Variants in PRELID2 observed in about 807,000 individuals in gnomAD.
PRELID2 encodes the protein PRELI domain-containing protein 2.
A neutral mutation model predicts 28.4 loss-of-function variants in PRELID2; 25 were observed. The ratio of observed to expected loss-of-function variants is 0.88; its 90% CI spans 0.64 to 1.23. PRELID2 has a LOEUF of 1.23. Ranked by LOEUF, PRELID2 falls within the 50% of genes most tolerant of loss-of-function variation. The pLI, the probability that PRELID2 is intolerant of heterozygous loss-of-function variation, is 0.00. For synonymous variants in PRELID2, 76 were observed against 71.6 expected, an observed-to-expected ratio of 1.06 and a Z score of -0.31; for missense variants, 201 against 214.4, an observed-to-expected ratio of 0.94 and a Z score of 0.39.
intron 1 of PRELID2, among the ~76,000 whole-genome samples, chr5:145,612,505 G>A (rs561257528): frequency 6.6e-6 from 1 of 152,162 alleles, no homozygotes; most frequent in Admixed American, 6.5e-5. Flanking sequence ...GGTGGTGTTT[G>A]GTTACATGAG....
the PRELID2 span, among the ~76,000 whole-genome samples, chr5:145,237,439 T>G: frequency 2.2e-3 from 341 of 152,220 alleles, 1 homozygote; most frequent in African/African-American, 8.0e-3. Flanking sequence ...TATGATTTTT[T>G]TAATGGTTGT....
chr5:145,617,206 A>G (rs770392828), intron 1 of PRELID2, among the ~76,000 whole-genome samples: 2 of 152,138 alleles, frequency 1.3e-5, no homozygotes, highest in Non-Finnish European at 2.9e-5. Flanking sequence ...AGTTAACACA[A>G]TCATCACAGG....
At chr5:145,471,829 G>A (rs1752056715) in exon 3 of PRELID2, 1 of 152,134 alleles carries the variant, frequency 6.6e-6, no homozygotes, top group South Asian at 2.1e-4. Flanking sequence ...TCCAAAAAGA[G>A]AAATCACTGG....
At chr5:145,428,871 C>T in the PRELID2 span, among the ~76,000 whole-genome samples, 1 of 152,088 alleles carries the variant, frequency 6.6e-6, no homozygotes, top group South Asian at 2.1e-4. Flanking sequence ...AAAAGTGAAG[C>T]CCCCAGGCAG....
chr5:145,831,892 G>A (rs1755614260), intron 1 of PRELID2, among the ~76,000 whole-genome samples: 1 of 152,254 alleles, frequency 6.6e-6, no homozygotes, highest in Admixed American at 6.5e-5. Context: ...ACTGAATACA[G>A]CTACATAAGT....
intron 5 of PRELID2, among the ~76,000 whole-genome samples, chr5:145,790,428 T>A (rs1388674488): frequency 6.6e-6 from 1 of 151,950 alleles, no homozygotes; most frequent in Admixed American, 6.6e-5. Flanking sequence ...TCTAAAAAAG[T>A]TAAACTCATA....
At chr5:145,567,330 A>T (rs953766241) in intron 1 of PRELID2, among the ~76,000 whole-genome samples, 9 of 138,296 alleles carry the variant, frequency 6.5e-5, no homozygotes, top group African/African-American at 2.5e-4. Context: ...ACAGTGAGTT[A>T]TCATGAGATC....
chr5:145,689,986 CTT>C (rs749912789), intron 1 of PRELID2, among the ~76,000 whole-genome samples: 236 of 114,884 alleles, frequency 2.1e-3, no homozygotes, highest in African/African-American at 6.6e-3. Context: ...CTGTGGGGGT[CTT>C]TTTTTTTTTT....
At chr5:145,740,319 T>TAA (rs869228809) in intron 1 of PRELID2, among the ~76,000 whole-genome samples, 6 of 84,608 alleles carry the variant, frequency 7.1e-5, no homozygotes, top group East Asian at 7.3e-4. Flanking sequence ...TATATATATA[T>TAA]AAATCCTAAA....
At chr5:145,248,641 A>C in the PRELID2 span, among the ~76,000 whole-genome samples, 1 of 152,088 alleles carries the variant, frequency 6.6e-6, no homozygotes, top group Non-Finnish European at 1.5e-5. Flanking sequence ...TAATAAAAAT[A>C]CAAAAATTAG....
chr5:145,230,001 T>C, the PRELID2 span: 1 of 730,646 alleles, frequency 1.4e-6, no homozygotes, highest in Non-Finnish European at 2.6e-6. Flanking sequence ...CAACATCAAC[T>C]CCCTCAGACT....
intron 1 of PRELID2, among the ~76,000 whole-genome samples, chr5:145,485,559 A>C: frequency 6.6e-6 from 1 of 152,174 alleles, no homozygotes; most frequent in East Asian, 1.9e-4. Context: ...GCCATCCTTA[A>C]CTGGCTTGGC....
the PRELID2 span, among the ~76,000 whole-genome samples, chr5:145,385,921 A>G: frequency 6.6e-6 from 1 of 151,830 alleles, no homozygotes; most frequent in Non-Finnish European, 1.5e-5. Context: ...CTATGTCCCC[A>G]CCCAGATCTC....
chr5:145,256,387 C>T, the PRELID2 span, among the ~76,000 whole-genome samples: 1 of 151,972 alleles, frequency 6.6e-6, no homozygotes, highest in African/African-American at 2.4e-5. Context: ...ACCTCTAAGT[C>T]ATTTCTATGT....
chr5:145,661,857 G>A (rs59928356), intron 1 of PRELID2, among the ~76,000 whole-genome samples: 7 of 151,952 alleles, frequency 4.6e-5, no homozygotes, highest in African/African-American at 1.7e-4. Context: ...TAAAAAAATA[G>A]ATTATATTTT....
intron 1 of PRELID2, among the ~76,000 whole-genome samples, chr5:145,538,054 G>A (rs1485306385): frequency 6.6e-6 from 1 of 151,802 alleles, no homozygotes; most frequent in Non-Finnish European, 1.5e-5. Flanking sequence ...TTTTCTGCAT[G>A]TGGATATCCA....
intron 1 of PRELID2, among the ~76,000 whole-genome samples, chr5:145,664,345 G>A (rs1754548504): frequency 6.6e-6 from 1 of 152,064 alleles, no homozygotes; most frequent in Admixed American, 6.6e-5. Flanking sequence ...TTCCATTTGA[G>A]CAAGCAAGAA....
At chr5:145,444,730 G>C in the PRELID2 span, among the ~76,000 whole-genome samples, 43 of 152,040 alleles carry the variant, frequency 2.8e-4, no homozygotes, top group African/African-American at 1.0e-3. Context: ...GGTTACCTGA[G>C]TCTCTAACTA....
At chr5:145,249,947 C>G in the PRELID2 span, among the ~76,000 whole-genome samples, 1 of 150,334 alleles carries the variant, frequency 6.7e-6, no homozygotes, top group African/African-American at 2.5e-5. Flanking sequence ...GTCTCTCTCT[C>G]TCTCTCTCTC....
Sources: gnomAD v4.1 joint callset for allele counts (sites outside exome capture counted in the v4.1 genomes callset) on GRCh38, gnomAD v4.1.1 for gene constraint, MANE v1.5 for transcripts, NCBI Gene and HGNC (gene_info 2026-07-23, HGNC 2026-07-21) for gene names.